The following ATF6 variants were observed in gnomAD, a reference collection of about 807,000 sequenced individuals.
ATF6 encodes activating transcription factor 6.
In ATF6, 53 loss-of-function variants were observed where a neutral mutation model predicts 83.6. The ratio of observed to expected loss-of-function variants is 0.63; its 90% confidence interval spans 0.51 to 0.80. ATF6 has a LOEUF of 0.80. ATF6 is among the 30% of genes least tolerant of loss of function. The pLI, the probability that ATF6 is intolerant of heterozygous loss-of-function variation, is 0.00. For synonymous variants in ATF6, 288 were observed against 285.8 expected (o/e 1.01, Z -0.08); for missense variants, 744 against 797.9 (o/e 0.93, Z 0.81).
intron 15 of ATF6, among the ~76,000 whole-genome samples, chr1:161,919,335 ATTTC>A (rs1688158509): frequency 6.6e-6 from 1 of 152,146 alleles, no homozygotes; most frequent in Non-Finnish European, 1.5e-5. Context: ...AAAGCTACTG[ATTTC>A]TTTTTTTTAA....
At chr1:161,908,290 G>A (rs1160378745) in intron 14 of ATF6, among the ~76,000 whole-genome samples, 1 of 152,160 alleles carries the variant, frequency 6.6e-6, no homozygotes, top group Non-Finnish European at 1.5e-5. Flanking sequence ...GGAGCAAAAT[G>A]TGGTCCTTTT....
At chr1:161,860,302 C>T in intron 13 of ATF6, 25 bp downstream of exon 13, 3 of 1,468,198 alleles carry the variant, frequency 2.0e-6, no homozygotes, top group South Asian at 1.5e-5. Context: ...AAGCTCTTGG[C>T]CAAGGAATTT....
At chr1:161,850,434 T>C (rs1686593601) in intron 10 of ATF6, among the ~76,000 whole-genome samples, 1 of 152,186 alleles carries the variant, frequency 6.6e-6, no homozygotes, top group Non-Finnish European at 1.5e-5. Context: ...TAGGCCTTGA[T>C]GTAACTACCA....
At chr1:161,948,305 A>G (rs967077670) in intron 15 of ATF6, among the ~76,000 whole-genome samples, 1 of 152,180 alleles carries the variant, frequency 6.6e-6, no homozygotes, top group Non-Finnish European at 1.5e-5. Context: ...TCGGTTTCCA[A>G]TAGTAGCGAA....
intron 14 of ATF6, among the ~76,000 whole-genome samples, chr1:161,894,521 C>CTTTTTTGTTTTTTTT (rs1687630002): frequency 2.2e-5 from 1 of 44,850 alleles, no homozygotes; most frequent in African/African-American, 6.6e-5. Context: ...GTTTTGTAGT[C>CTTTTTTGTTTTTTTT]TTTTTTTTTT....
intron 15 of ATF6, among the ~76,000 whole-genome samples, chr1:161,951,089 T>C (rs1688853972): frequency 6.6e-6 from 1 of 152,174 alleles, no homozygotes; most frequent in Admixed American, 6.5e-5. Flanking sequence ...CTAGGGGAGC[T>C]AAACTTGATT....
chr1:161,934,872 A>G (rs1688507138), intron 15 of ATF6, among the ~76,000 whole-genome samples: 1 of 152,206 alleles, frequency 6.6e-6, no homozygotes, highest in East Asian at 1.9e-4. Flanking sequence ...TTCTTGGGGT[A>G]TCATCCATTG....
At chr1:161,882,643 A>G (rs1435499001) in intron 14 of ATF6, among the ~76,000 whole-genome samples, 1 of 151,810 alleles carries the variant, frequency 6.6e-6, no homozygotes, top group South Asian at 2.1e-4. Flanking sequence ...TAGTTTTTCC[A>G]TTTAGCTGTG....
At chr1:161,952,446 T>A (rs188698693) in intron 15 of ATF6, among the ~76,000 whole-genome samples, 1 of 152,146 alleles carries the variant, frequency 6.6e-6, no homozygotes, top group African/African-American at 2.4e-5. Context: ...CTAATCAACT[T>A]CCATGCTTTT....
At chr1:161,853,944 A>C (rs1686700479) in intron 12 of ATF6, among the ~76,000 whole-genome samples, 1 of 152,228 alleles carries the variant, frequency 6.6e-6, no homozygotes, top group African/African-American at 2.4e-5. Context: ...GAAATAAAGT[A>C]ATGGGTATGA....
intron 7 of ATF6, among the ~76,000 whole-genome samples, chr1:161,803,379 G>C (rs1481614883): frequency 6.6e-6 from 1 of 152,212 alleles, no homozygotes; most frequent in Non-Finnish European, 1.5e-5. Context: ...TGAAAACAAT[G>C]CATGTCAAGA....
At chr1:161,820,924 A>AT (rs79406872) in intron 8 of ATF6, 146 bp from the exon 9 acceptor site, 23,902 of 355,634 alleles carry the variant, frequency 0.067, 113 homozygotes, top group East Asian at 0.1. Flanking sequence ...CTCACCTTTG[A>AT]TTTTTTTTTT....
chr1:161,934,468 T>A (rs1232070113), intron 15 of ATF6, among the ~76,000 whole-genome samples: 5 of 152,194 alleles, frequency 3.3e-5, no homozygotes, highest in Non-Finnish European at 7.4e-5. Flanking sequence ...CCTAGATGTT[T>A]CCTAGTGGTG....
At position 161,819,618 on chromosome 1, in the gene ATF6, T is replaced by C. The variant is rs1685700705; in HGVS notation, c.910-15T>C. On this transcript the variant is annotated splice_polypyrimidine_tract_variant and intron_variant, in intron 7 of 15. Coordinates refer to ENST00000367942, the MANE Select transcript of ATF6 (RefSeq NM_007348.4). ...TTAAAACCAGGGTATTCTGATTCAT[T>C]ATAACTTTTTCTAGATTGCTGTGCT... The C allele has an allele frequency of 6.5e-7, 1 of 1,549,946 alleles. No homozygotes were observed. The highest frequency in any genetic ancestry group is 1.4e-5 in the African/African-American group (1 of 71,254).
chr1:161,853,275 C>G lies in ATF6; in HGVS notation c.1485C>G (p.Thr495=), dbSNP rs561285880. Residue 495 remains threonine, a synonymous_variant, in exon 12 of 16, where the codon ACC becomes ACG. Transcript: ENST00000367942. Reference sequence around the variant, plus strand: ...TTCATAGACATGAAGTAGAAAGGACCAAGTCAAGAAGAATGACAAATAATC... The same window carrying G: ...TTCATAGACATGAAGTAGAAAGGACGAAGTCAAGAAGAATGACAAATAATC... ...GWVHRHEVER[T]KSRRMTNNQQ... The G allele has an allele frequency of 2.4e-4, 386 of 1,613,656 alleles. 2 individuals carry two copies. The South Asian group carries it at 3.7e-3, about 15-fold the overall frequency.
intron 7 of ATF6, among the ~76,000 whole-genome samples, chr1:161,815,184 A>ATTTTTTTT (rs34687938): frequency 7.3e-5 from 7 of 96,450 alleles, no homozygotes; most frequent in East Asian, 3.5e-4. Context: ...TCCCATTTTA[A>ATTTTTTTT]TTTTTTTTTT....
At chr1:161,914,713 C>A (rs187468044) in intron 15 of ATF6, among the ~76,000 whole-genome samples, 1 of 152,274 alleles carries the variant, frequency 6.6e-6, no homozygotes, top group East Asian at 1.9e-4. Flanking sequence ...TTTGACCCTG[C>A]CACTTCTTTT....
At chr1:161,794,758 T>C (rs1225239495) in intron 6 of ATF6, among the ~76,000 whole-genome samples, 26 of 152,228 alleles carry the variant, frequency 1.7e-4, no homozygotes. Flanking sequence ...CAACAACTTA[T>C]GCCTACTTCT....
intron 14 of ATF6, among the ~76,000 whole-genome samples, chr1:161,904,606 AC>A (rs1346603893): frequency 6.7e-6 from 1 of 150,342 alleles, no homozygotes; most frequent in African/African-American, 2.4e-5. Flanking sequence ...AAACAAAAAA[AC>A]AAAAAACAAA....
Sources: gnomAD v4.1 joint callset for allele counts (sites outside exome capture counted in the v4.1 genomes callset) on GRCh38, gnomAD v4.1.1 for gene constraint, MANE v1.5 for transcripts, NCBI Gene and HGNC (gene_info 2026-07-23, HGNC 2026-07-21) for gene names.